Variants in SLC44A5 observed in about 807,000 individuals in gnomAD.
The protein encoded by SLC44A5 is solute carrier family 44 member 5.
In SLC44A5, 57 loss-of-function variants were observed where a neutral mutation model predicts 101.8. The ratio of observed to expected loss-of-function variants is 0.56; its 90% CI spans 0.45 to 0.70. SLC44A5 has a LOEUF of 0.70. SLC44A5 is among the 30% of genes least tolerant of loss of function. SLC44A5 has a pLI of 0.00. For synonymous variants in SLC44A5, 281 were observed against 290.9 expected, an observed-to-expected ratio of 0.97 and a Z score of 0.35; for missense variants, 737 against 853.1, an observed-to-expected ratio of 0.86 and a Z score of 1.70.
At chr1:75,615,952 C>A (rs920471634), upstream of SLC44A5, 69 of 904,038 alleles carry the variant, frequency 7.6e-5, no homozygotes, top group Middle Eastern at 3.0e-4. Context: ...AGCTCCCAGG[C>A]GAGCCCTCGC....
intron 2 of SLC44A5, among the ~76,000 whole-genome samples, chr1:75,530,982 C>T (rs1338905676): frequency 6.6e-6 from 1 of 152,136 alleles, no homozygotes; most frequent in African/African-American, 2.4e-5. Flanking sequence ...GTGTAAGGTG[C>T]TTTCCTGCCC....
intron 6 of SLC44A5, among the ~76,000 whole-genome samples, chr1:75,262,471 G>T (rs1394314323): frequency 6.6e-6 from 1 of 152,052 alleles, no homozygotes; most frequent in Non-Finnish European, 1.5e-5. Flanking sequence ...CACTGTTCAA[G>T]GAAGTAAGAG....
upstream of SLC44A5, among the ~76,000 whole-genome samples, chr1:75,615,267 A>G (rs1212926319): frequency 6.6e-6 from 1 of 152,090 alleles, no homozygotes; most frequent in African/African-American, 2.4e-5. Context: ...ACCGCAGGGA[A>G]AAGGAGAGGC....
At chr1:75,372,948 C>CA (rs564671628) in intron 3 of SLC44A5, among the ~76,000 whole-genome samples, 107 of 152,148 alleles carry the variant, frequency 7.0e-4, no homozygotes, top group African/African-American at 2.5e-3. Flanking sequence ...CACTGCTATA[C>CA]AAAAAATTAA....
At chr1:75,525,185 G>T (rs1670344159) in intron 2 of SLC44A5, among the ~76,000 whole-genome samples, 3 of 152,074 alleles carry the variant, frequency 2.0e-5, no homozygotes, top group Admixed American at 2.0e-4. Flanking sequence ...AGGTGCTAAG[G>T]TATTAACCAA....
the SLC44A5 span, among the ~76,000 whole-genome samples, chr1:75,653,443 C>T: frequency 6.6e-6 from 1 of 152,198 alleles, no homozygotes; most frequent in Non-Finnish European, 1.5e-5. Flanking sequence ...GATTGCCCCA[C>T]TGCACTCAAG....
intron 3 of SLC44A5, among the ~76,000 whole-genome samples, chr1:75,388,538 T>C (rs1661559786): frequency 2.0e-5 from 3 of 152,238 alleles, no homozygotes; most frequent in African/African-American, 4.8e-5. Flanking sequence ...TCCAGCACTT[T>C]GGGAGGCCGA....
chr1:75,685,506 GA>G, the SLC44A5 span, among the ~76,000 whole-genome samples: 1 of 152,098 alleles, frequency 6.6e-6, no homozygotes, highest in African/African-American at 2.4e-5. Context: ...ATGGTATTAA[GA>G]GCACTTTTGA....
chr1:75,661,996 G>C, the SLC44A5 span, among the ~76,000 whole-genome samples: 1 of 152,088 alleles, frequency 6.6e-6, no homozygotes, highest in Admixed American at 6.5e-5. Context: ...CCACTACTGG[G>C]TATGTATCCA....
intron 1 of SLC44A5, among the ~76,000 whole-genome samples, chr1:75,592,544 C>A (rs417258): frequency 0.67 from 102,109 of 151,490 alleles, 34,740 homozygotes; most frequent in East Asian, 0.84. Context: ...CAAAGCTATC[C>A]CAAGCAAAAA....
At chr1:75,630,556 G>A in the SLC44A5 span, among the ~76,000 whole-genome samples, 3 of 152,018 alleles carry the variant, frequency 2.0e-5, no homozygotes, top group Non-Finnish European at 4.4e-5. Flanking sequence ...AACCTTAGGA[G>A]AGAGGATTCT....
Position 75,325,435 on chromosome 1 carries a change from T to A in SLC44A5, c.101+14147A>T, listed in dbSNP as rs1656504138. On this transcript the variant is annotated intron_variant, in intron 4 of 23. Transcript: ENST00000370859. The stretch of plus-strand genomic sequence containing the variant: ...ATTATTTATATGAAAAAAGGGAGAT[T>A]TTTATATATACATATATACAGTATA... 2.6e-5 allele frequency among the ~76,000 whole-genome samples: 4 copies of A among 152,090 alleles called. No individual in the cohort carries two copies. In the South Asian group the frequency reaches 8.3e-4, roughly 32 times the overall value.
chr1:75,246,486 G>A (rs1649115767), intron 7 of SLC44A5, among the ~76,000 whole-genome samples: 1 of 151,998 alleles, frequency 6.6e-6, no homozygotes, highest in South Asian at 2.1e-4. Flanking sequence ...AAATAGTAGT[G>A]AACAACACAT....
At chr1:75,719,337 G>A in the SLC44A5 span, among the ~76,000 whole-genome samples, 1 of 152,090 alleles carries the variant, frequency 6.6e-6, no homozygotes, top group Non-Finnish European at 1.5e-5. Flanking sequence ...AACTTAAAAG[G>A]AGCCTATATG....
the SLC44A5 span, among the ~76,000 whole-genome samples, chr1:75,680,600 G>T: frequency 6.6e-6 from 1 of 150,842 alleles, no homozygotes; most frequent in East Asian, 1.9e-4. Flanking sequence ...TCTCTGGGAC[G>T]CATTCAAAGC....
At chr1:75,651,106 A>G in the SLC44A5 span, among the ~76,000 whole-genome samples, 1 of 152,210 alleles carries the variant, frequency 6.6e-6, no homozygotes, top group Non-Finnish European at 1.5e-5. Context: ...AAATAAATTG[A>G]ATGACCTAGA....
chr1:75,549,965 C>A (rs211764), intron 1 of SLC44A5, among the ~76,000 whole-genome samples: 52,254 of 151,932 alleles, frequency 0.34, 9,672 homozygotes, highest in East Asian at 0.78. Flanking sequence ...ATTGTACAAA[C>A]CCTTGTGGGC....
At chr1:75,723,171 G>A in the SLC44A5 span, among the ~76,000 whole-genome samples, 377 of 152,312 alleles carry the variant, frequency 2.5e-3, 4 homozygotes, top group Non-Finnish European at 6.3e-4. Flanking sequence ...GGGTGCACGT[G>A]TCAGGTTATA....
chr1:75,470,391 C>T (rs1176846262), intron 2 of SLC44A5, among the ~76,000 whole-genome samples: 1 of 152,132 alleles, frequency 6.6e-6, no homozygotes, highest in Non-Finnish European at 1.5e-5. Flanking sequence ...AATTAGGTCC[C>T]CACGTTTGAA....
Sources: gnomAD v4.1 joint callset for allele counts (sites outside exome capture counted in the v4.1 genomes callset) on GRCh38, gnomAD v4.1.1 for gene constraint, MANE v1.5 for transcripts, NCBI Gene and HGNC (gene_info 2026-07-23, HGNC 2026-07-21) for gene names.